Variants in USH1C observed in about 807,000 individuals in gnomAD.
The protein encoded by USH1C is USH1 protein network component harmonin.
Under a neutral mutation model 119.3 loss-of-function variants are expected in USH1C, and 90 were observed. That is an observed-to-expected ratio of 0.75 (90% confidence interval 0.64 to 0.90). The LOEUF (loss-of-function observed/expected upper bound fraction) is 0.90, where lower values mean the gene tolerates loss of function less well. USH1C is among the 40% of genes least tolerant of loss of function. The probability of loss-of-function intolerance (pLI) is 0.00; values close to 1 mark genes in which losing one functional copy is unlikely to be tolerated. For missense variants in USH1C, 1,165 were observed against 1,167.7 expected (o/e 1.00, Z 0.03); for synonymous variants, 465 against 443.3 (o/e 1.05, Z -0.62).
chr11:17,528,228 C>T (rs993161894), intron 4 of USH1C, among the ~76,000 whole-genome samples: 10 of 152,192 alleles, frequency 6.6e-5, no homozygotes, highest in Non-Finnish European at 1.5e-4. Context: ...GCTCAGATCT[C>T]TCTTCTCAGG....
At chr11:17,542,242 AT>A (rs1357605702) in intron 1 of USH1C, among the ~76,000 whole-genome samples, 9 of 152,248 alleles carry the variant, frequency 5.9e-5, no homozygotes, top group Non-Finnish European at 1.0e-4. Flanking sequence ...ATCACAAACC[AT>A]TTCTTCCAAA....
At chr11:17,523,003 A>T in intron 11 of USH1C, 77 bp from the exon 12 acceptor site, 1 of 1,597,800 alleles carries the variant, frequency 6.3e-7, no homozygotes. Context: ...GGGGGCCGAG[A>T]TGCAGGTGGT....
rs746200972 is a variant in USH1C, at chr11:17,509,750, G to A, written c.1619C>T (p.Thr540Ile). Residue 540 changes from threonine to isoleucine, a missense_variant, in exon 18 of 27, where the codon ACC becomes ATC. Physicochemically the swap from Thr to Ile is moderately conservative, Grantham distance 89. Coordinates refer to ENST00000005226, the MANE Select transcript of USH1C (RefSeq NM_153676.4). The part of the protein sequence containing the change: ...RRFAGGLHLH[T>I]TDLDDIPLDM... ...CAAAGGGATGTCGTCCAGGTCAGTG[G>A]TGTGCAGGTGCAGTCCGCCTGCGAA... 3 of 1,602,398 alleles carry A rather than the reference G, an allele frequency of 1.9e-6. No homozygotes were observed. Among genetic ancestry groups the A allele is most frequent in the Admixed American group, 3.3e-5 (2 of 59,988 alleles).
At chr11:17,510,378 T>A (rs761393221) in intron 17 of USH1C, 27 bp downstream of exon 17, 1 of 1,571,502 alleles carries the variant, frequency 6.4e-7, no homozygotes, top group African/African-American at 1.4e-5. Flanking sequence ...AGCAGGAGGG[T>A]CTATGTGGAA....
rs148115969 is a variant in USH1C at position 17,511,952 on chromosome 11, C to T, written c.1363G>A (p.Glu455Lys). 1 of 1,614,184 alleles carries T rather than the reference C, an allele frequency of 6.2e-7. No individual in the cohort carries two copies. Among genetic ancestry groups the T allele is most frequent in the Non-Finnish European group, 8.5e-7 (1 of 1,180,032 alleles). The part of the protein sequence containing the change: ...FEQKLYKEKE[E>K]MLEKEKQLKI... ...AGCTGCTTTTCCTTCTCCAGCATTT[C>T]CTCTTTCTCTTTGTAAAGCTTTTGC... Residue 455 changes from glutamate (E) to lysine (K), a missense_variant, in exon 16 of 27, where the codon GAA (glutamate) becomes AAA (lysine). Transcript: ENST00000005226.
chr11:17,534,262 G>A (rs113096987), intron 1 of USH1C, among the ~76,000 whole-genome samples: 2,817 of 152,338 alleles, frequency 0.018, 81 homozygotes, highest in African/African-American at 0.064. Flanking sequence ...GTCCTCAGAA[G>A]AGGGCCAGAG....
At chr11:17,502,929 C>A (rs973010063) in intron 20 of USH1C, among the ~76,000 whole-genome samples, 1 of 152,152 alleles carries the variant, frequency 6.6e-6, no homozygotes, top group Admixed American at 6.5e-5. Context: ...GAGCCACCCA[C>A]AGCATGCAGG....
chr11:17,522,572 A>G (rs903075618), intron 12 of USH1C, among the ~76,000 whole-genome samples: 1 of 152,214 alleles, frequency 6.6e-6, no homozygotes, highest in Non-Finnish European at 1.5e-5. Context: ...GTTGGAAGAC[A>G]GGGGGCTCTG....
chr11:17,543,976 C>T (rs985073890), intron 1 of USH1C, among the ~76,000 whole-genome samples: 5 of 152,210 alleles, frequency 3.3e-5, no homozygotes, highest in Non-Finnish European at 7.3e-5. Flanking sequence ...AGAAAAGCGG[C>T]CAAGACTGGA....
intron 14 of USH1C, chr11:17,517,271 G>T: frequency 1.1e-6 from 1 of 943,550 alleles, no homozygotes; most frequent in East Asian, 2.6e-5. Context: ...GGGCTTGGAG[G>T]AGCTTTACAG....
chr11:17,505,779 G>A, intron 19 of USH1C, 51 bp downstream of exon 19: 1 of 1,612,578 alleles, frequency 6.2e-7, no homozygotes, highest in Non-Finnish European at 8.5e-7. Flanking sequence ...AGGGGAGGTA[G>A]CCCTGGTCTG....
intron 1 of USH1C, among the ~76,000 whole-genome samples, chr11:17,542,599 C>T (rs1248554704): frequency 6.6e-6 from 1 of 152,240 alleles, no homozygotes; most frequent in African/African-American, 2.4e-5. Context: ...CCAGGATCTG[C>T]ATCAGACACC....
intron 26 of USH1C, chr11:17,494,905 C>T (rs189465003): frequency 1.0e-4 from 24 of 231,726 alleles, no homozygotes; most frequent in African/African-American, 2.5e-4. Context: ...CTGGGTTCCA[C>T]GGTATATCCC....
rs111407777 is a variant in USH1C at position 17,532,867 on chromosome 11, T to C, written c.104+388A>G. Among the ~76,000 whole-genome samples the C allele has an allele frequency of 6.2e-3, 941 of 152,184 alleles. 6 individuals are homozygous for C. The highest frequency in any genetic ancestry group is 0.022 in the African/African-American group (905 of 41,498). Reference sequence around the variant, plus strand: ...CCAGCAGTGGCAGGAGCTTATAAAGTAGAAAAAATGAATCAAAAAGCAAGT... The same window carrying C: ...CCAGCAGTGGCAGGAGCTTATAAAGCAGAAAAAATGAATCAAAAAGCAAGT... On this transcript the variant is annotated intron_variant, in intron 2 of 26. Transcript: ENST00000005226.
intron 1 of USH1C, 190 bp from the exon 2 acceptor site, chr11:17,533,512 C>T (rs933836358): frequency 4.0e-5 from 26 of 657,188 alleles, no homozygotes; most frequent in Non-Finnish European, 6.9e-5. Flanking sequence ...GCAGACCACC[C>T]CAACGTGGCC....
chr11:17,543,422 C>G (rs559171370), intron 1 of USH1C, among the ~76,000 whole-genome samples: 211 of 151,722 alleles, frequency 1.4e-3, no homozygotes, highest in African/African-American at 4.5e-3. Context: ...ACCCACCCCC[C>G]CCAAGCGGCT....
intron 24 of USH1C, among the ~76,000 whole-genome samples, chr11:17,497,951 A>T (rs1462156192): frequency 1.3e-5 from 2 of 152,114 alleles, no homozygotes; most frequent in Non-Finnish European, 2.9e-5. Context: ...GGCTTTTTGG[A>T]TCCAAGGTCA....
intron 1 of USH1C, among the ~76,000 whole-genome samples, chr11:17,541,479 C>A (rs1284995198): frequency 6.6e-6 from 1 of 152,196 alleles, no homozygotes; most frequent in Non-Finnish European, 1.5e-5. Context: ...TGGCCTCAGG[C>A]AGAATACACA....
chr11:17,526,488 A>C, intron 7 of USH1C, 47 bp from the exon 8 acceptor site: 1 of 1,550,532 alleles, frequency 6.4e-7, no homozygotes. Flanking sequence ...ACATGCGTGC[A>C]AGCGGCCTCT....
Sources: allele counts gnomAD v4.1 joint callset (sites outside exome capture counted in the v4.1 genomes callset), GRCh38; gene constraint gnomAD v4.1.1; transcripts MANE v1.5; gene names NCBI Gene and HGNC (gene_info 2026-07-23, HGNC 2026-07-21).